ROCK1: variants seen among roughly 807,000 people sequenced by gnomAD.
The protein encoded by ROCK1 is Rho associated coiled-coil containing protein kinase 1.
ROCK1 carries 36 observed loss-of-function variants against 196.8 expected under a neutral mutation model. That is an observed-to-expected ratio of 0.18 (90% CI 0.14 to 0.24). The LOEUF is 0.24. Among genes scored for constraint, ROCK1 ranks in the 10% least tolerant of loss-of-function variants. The pLI is 1.00. For missense variants in ROCK1, 920 were observed against 1,562.0 expected, an observed-to-expected ratio of 0.59 and a Z score of 6.93; for synonymous variants, 443 against 515.9, an observed-to-expected ratio of 0.86 and a Z score of 1.91.
chr18:21,059,388 C>T (rs2036270168), intron 2 of ROCK1, among the ~76,000 whole-genome samples: 1 of 152,166 alleles, frequency 6.6e-6, no homozygotes. Flanking sequence ...TATATTTCAC[C>T]TAACAATCTG....
At chr18:20,960,231 TAGTC>T (rs774848118) in intron 27 of ROCK1, 25 bp from the exon 28 acceptor site, 19 of 1,334,542 alleles carry the variant, frequency 1.4e-5, no homozygotes, top group East Asian at 1.1e-4. Flanking sequence ...ATATATGTAT[TAGTC>T]AGTCTTAAAT....
intron 20 of ROCK1, among the ~76,000 whole-genome samples, chr18:20,983,129 C>T (rs892682072): frequency 6.7e-6 from 1 of 150,252 alleles, no homozygotes; most frequent in African/African-American, 2.5e-5. Context: ...AAAATTGATA[C>T]CATATTTTTG....
At chr18:20,986,864 T>G in intron 19 of ROCK1, 86 bp downstream of exon 19, 1 of 1,157,358 alleles carries the variant, frequency 8.6e-7, no homozygotes, top group South Asian at 1.5e-5. Context: ...TCCTTCATGG[T>G]GTTTAAATTA....
intron 31 of ROCK1, 88 bp from the exon 32 acceptor site, chr18:20,953,873 T>G: frequency 5.0e-6 from 3 of 596,842 alleles, no homozygotes; most frequent in Non-Finnish European, 8.5e-6. Context: ...TTCAAGTTCT[T>G]AAGGTTTTAA....
chr18:20,993,708 G>A (rs899467061), intron 16 of ROCK1, among the ~76,000 whole-genome samples: 3 of 152,180 alleles, frequency 2.0e-5, no homozygotes, highest in Admixed American at 6.5e-5. Context: ...CCTGATGTTC[G>A]TGCCTTGCAA....
At position 20,959,869 on chromosome 18, in the gene ROCK1, T is replaced by C; in HGVS notation, c.3483A>G (p.Gln1161=). 6.2e-6 allele frequency: 10 copies of C among 1,611,146 alleles called. No homozygotes were observed. Among genetic ancestry groups the C allele is most frequent in the Non-Finnish European group, 7.6e-6 (9 of 1,178,244 alleles). Residue 1161 remains glutamine, a synonymous_variant, in exon 29 of 33, where the codon CAA becomes CAG. Coordinates refer to ENST00000399799, the MANE Select transcript of ROCK1 (RefSeq NM_005406.3). The part of the protein sequence containing the change: ...LFYNDEQDKE[Q]SNPSMVLDID... Reference sequence around the variant, plus strand: ...TGTCCAATACCATAGATGGATTGGATTGCTCCTTATCTTGTTCGTCATTAT... The same window carrying C: ...TGTCCAATACCATAGATGGATTGGACTGCTCCTTATCTTGTTCGTCATTAT...
At chr18:21,001,478 A>T (rs1233855665) in intron 16 of ROCK1, among the ~76,000 whole-genome samples, 1 of 152,148 alleles carries the variant, frequency 6.6e-6, no homozygotes, top group Non-Finnish European at 1.5e-5. Context: ...TAGAAATACA[A>T]GGGAGGCTGC....
intron 1 of ROCK1, among the ~76,000 whole-genome samples, chr18:21,106,693 A>T (rs1028089576): frequency 1.3e-5 from 2 of 152,244 alleles, no homozygotes; most frequent in African/African-American, 4.8e-5. Context: ...GACACTGGAA[A>T]GAATCTGACC....
intron 1 of ROCK1, among the ~76,000 whole-genome samples, chr18:21,097,763 C>T (rs1396078851): frequency 2.0e-5 from 3 of 152,214 alleles, no homozygotes; most frequent in South Asian, 2.1e-4. Context: ...TGCATTACCA[C>T]GTTTAATACT....
chr18:20,980,111 C>G (rs1205720488), intron 21 of ROCK1, 107 bp from the exon 22 acceptor site: 7 of 1,291,810 alleles, frequency 5.4e-6, no homozygotes, highest in Non-Finnish European at 6.1e-6. Context: ...CAATTCCACT[C>G]TCAAGTATTT....
At position 21,006,469 on chromosome 18, in the gene ROCK1, A is replaced by G; in HGVS notation, c.1767T>C (p.Asn589=). The G allele has an allele frequency of 6.2e-7, 1 of 1,613,724 alleles. No homozygotes were observed. The highest frequency in any genetic ancestry group is 8.5e-7 in the Non-Finnish European group (1 of 1,179,942). ...ESLNRELQER[N]RILENSKSQT... ...GTGACTTAGAATTCTCTAAAATTCGATTTCTCTCTTGCAACTCTCTGTTCA... is the reference window on the plus strand; with the variant it reads ...GTGACTTAGAATTCTCTAAAATTCGGTTTCTCTCTTGCAACTCTCTGTTCA... Residue 589 remains asparagine (N), a synonymous_variant, in exon 16 of 33, where the codon AAT becomes AAC. Coordinates refer to ENST00000399799, the MANE Select transcript of ROCK1 (RefSeq NM_005406.3).
chr18:21,090,737 C>T (rs1180834462), intron 1 of ROCK1, among the ~76,000 whole-genome samples: 1 of 152,124 alleles, frequency 6.6e-6, no homozygotes, highest in Non-Finnish European at 1.5e-5. Context: ...TCGACAACAA[C>T]AAATAAATGT....
At chr18:21,017,038 T>C (rs2035868721) in intron 12 of ROCK1, among the ~76,000 whole-genome samples, 1 of 151,822 alleles carries the variant, frequency 6.6e-6, no homozygotes, top group African/African-American at 2.4e-5. Context: ...ACCCTAACAC[T>C]TCCTTCCACT....
At chr18:21,046,654 GA>G (rs1308468358) in intron 4 of ROCK1, among the ~76,000 whole-genome samples, 1 of 152,040 alleles carries the variant, frequency 6.6e-6, no homozygotes, top group Non-Finnish European at 1.5e-5. Context: ...TGTGACTGGG[GA>G]TCAAATAAAA....
At chr18:21,083,953 G>A (rs2036504174) in intron 1 of ROCK1, among the ~76,000 whole-genome samples, 1 of 152,082 alleles carries the variant, frequency 6.6e-6, no homozygotes, top group Non-Finnish European at 1.5e-5. Flanking sequence ...GGAATGGCGG[G>A]GGGAAAAGGG....
rs1251238638 is a variant in ROCK1 at position 20,950,519 on chromosome 18, A to AC, written c.*864dup. The AC allele has an allele frequency of 6.6e-6, 1 of 152,290 alleles. No individual in the cohort carries two copies. The highest frequency in any genetic ancestry group is 1.5e-5 in the Non-Finnish European group (1 of 67,942). The allele number at this position is 152,290 out of a possible 1,614,324, so 9.4% of individuals were successfully genotyped here. A position where few individuals can be genotyped will look rare whatever the true frequency, so the allele number is the denominator to read the frequency against. On this transcript the variant is annotated 3_prime_UTR_variant, in exon 33 of 33. Transcript: ENST00000399799. ...ATAATTTACATTTCAAACAGTGCATACATTTCTTATATGTTTGTTAACTTA... is the reference window on the plus strand; with the variant it reads ...ATAATTTACATTTCAAACAGTGCATACCATTTCTTATATGTTTGTTAACTTA...
chr18:21,045,319 G>C lies in ROCK1; in HGVS notation c.563C>G (p.Ala188Gly). 2 of 1,610,056 alleles carry C rather than the reference G, an allele frequency of 1.2e-6. No individual in the cohort carries two copies. Among genetic ancestry groups the C allele is most frequent in the African/African-American group, 2.7e-5 (2 of 74,828 alleles). The stretch of plus-strand genomic sequence containing the variant: ...GTGAATAAAACCCATGGAATGGATT[G>C]CATCCAATGCAAGAACTACTTCTGC... The part of the protein sequence containing the change: ...YTAEVVLALD[A>G]IHSMGFIHRD... Residue 188 changes from alanine (A) to glycine (G), a missense_variant, in exon 5 of 33, where the codon GCA becomes GGA. Transcript: ENST00000399799.
At chr18:21,086,111 ATTTTT>A (rs34919797) in intron 1 of ROCK1, among the ~76,000 whole-genome samples, 1 of 111,108 alleles carries the variant, frequency 9.0e-6, no homozygotes, top group Non-Finnish European at 1.9e-5. Flanking sequence ...TATGGAAATA[ATTTTT>A]TTTTTTTTTT....
intron 22 of ROCK1, among the ~76,000 whole-genome samples, chr18:20,974,066 A>G (rs2035456284): frequency 6.6e-6 from 1 of 152,118 alleles, no homozygotes. Context: ...CACCGTGCCC[A>G]GCAATATTTG....
Sources: gnomAD v4.1 joint callset for allele counts (sites outside exome capture counted in the v4.1 genomes callset) on GRCh38, gnomAD v4.1.1 for gene constraint, MANE v1.5 for transcripts, NCBI Gene and HGNC (gene_info 2026-07-23, HGNC 2026-07-21) for gene names.